The following RBFOX1 variants were observed in gnomAD, a reference collection of about 807,000 sequenced individuals.
RBFOX1 encodes the protein RNA binding fox-1 homolog 1, also known as RNA binding protein fox-1 homolog 1.
Under a neutral mutation model 57.7 loss-of-function variants are expected in RBFOX1, and 8 were observed. That is an observed-to-expected ratio of 0.14 (90% confidence interval 0.08 to 0.25). The LOEUF is 0.25. Among genes scored for constraint, RBFOX1 ranks in the 10% least tolerant of loss-of-function variants. The probability of loss-of-function intolerance (pLI) is 1.00; values close to 1 mark genes in which losing one functional copy is unlikely to be tolerated. For missense variants in RBFOX1, 611 were observed against 548.5 expected (o/e 1.11, Z -1.14); for synonymous variants, 326 against 222.4 (o/e 1.47, Z -4.15).
intron 4 of RBFOX1, among the ~76,000 whole-genome samples, chr16:7,391,917 C>G (rs1000415901): frequency 2.0e-5 from 3 of 152,190 alleles, no homozygotes; most frequent in African/African-American, 7.2e-5. Context: ...TATCAACTTG[C>G]GTTAGTTTAC....
At chr16:6,406,892 G>A (rs1487058079) in intron 2 of RBFOX1, among the ~76,000 whole-genome samples, 1 of 152,118 alleles carries the variant, frequency 6.6e-6, no homozygotes, top group African/African-American at 2.4e-5. Flanking sequence ...TATGCTGGCT[G>A]ACCCCCCTAC....
At chr16:6,122,999 T>A (rs921181797) in intron 1 of RBFOX1, among the ~76,000 whole-genome samples, 4 of 152,114 alleles carry the variant, frequency 2.6e-5, no homozygotes, top group Admixed American at 2.6e-4. Flanking sequence ...ACTGCTGTTC[T>A]CTGGAGAATA....
intron 3 of RBFOX1, among the ~76,000 whole-genome samples, chr16:6,675,479 C>T (rs1467305821): frequency 3.3e-5 from 5 of 152,114 alleles, no homozygotes; most frequent in African/African-American, 4.8e-5. Flanking sequence ...AGTGACAAAG[C>T]CCTGGGCTTG....
intron 1 of RBFOX1, among the ~76,000 whole-genome samples, chr16:6,033,613 C>T (rs948374307): frequency 1.3e-5 from 2 of 152,146 alleles, no homozygotes; most frequent in African/African-American, 2.4e-5. Flanking sequence ...TGCACACGCA[C>T]GTGTATTTTT....
intron 4 of RBFOX1, among the ~76,000 whole-genome samples, chr16:5,893,959 T>C (rs1332253932): frequency 6.6e-6 from 1 of 152,142 alleles, no homozygotes; most frequent in Non-Finnish European, 1.5e-5. Context: ...ATAATTTAGT[T>C]GCAAAATGTG....
chr16:7,501,058 C>A (rs1244887401), intron 4 of RBFOX1, among the ~76,000 whole-genome samples: 1 of 152,204 alleles, frequency 6.6e-6, no homozygotes, highest in African/African-American at 2.4e-5. Flanking sequence ...GCCTCTCCAG[C>A]CAGGCTGAAC....
chr16:5,742,807 A>G (rs1043896668), intron 3 of RBFOX1, among the ~76,000 whole-genome samples: 1 of 152,228 alleles, frequency 6.6e-6, no homozygotes, highest in Admixed American at 6.5e-5. Flanking sequence ...ATGGGACTAA[A>G]GGTAAGCTAG....
chr16:7,156,552 T>C (rs1010709327), intron 4 of RBFOX1, among the ~76,000 whole-genome samples: 5 of 152,038 alleles, frequency 3.3e-5, no homozygotes, highest in African/African-American at 7.3e-5. Context: ...CATGTAGATA[T>C]ACATATGTGT....
At chr16:6,881,880 T>C (rs921035299) in intron 3 of RBFOX1, among the ~76,000 whole-genome samples, 1 of 152,168 alleles carries the variant, frequency 6.6e-6, no homozygotes, top group Non-Finnish European at 1.5e-5. Context: ...GTAGTAAAAG[T>C]TTCACAGCTG....
At chr16:6,500,884 T>G (rs80034821) in intron 2 of RBFOX1, among the ~76,000 whole-genome samples, 1 of 22,880 alleles carries the variant, frequency 4.4e-5, no homozygotes, top group South Asian at 2.2e-3. Flanking sequence ...TAGTTTTTTT[T>G]TTTTTTTTTT....
In RBFOX1 at chr16:5,892,384, C is replaced by T. The variant is rs116098634; in HGVS notation, c.351+25049C>T. 4.6e-3 allele frequency among the ~76,000 whole-genome samples: 703 copies of T among 152,274 alleles called. 3 individuals carry two copies. Among genetic ancestry groups the T allele is most frequent in the African/African-American group, 0.016 (673 of 41,554 alleles). On this transcript the variant is annotated intron_variant, in intron 4 of 19. Transcript: ENST00000641259. ...TTTTCATTGCTTACTTCCTGGATGA[C>T]CTCTGTCCATGACTGTATCTCTTTA...
intron 3 of RBFOX1, among the ~76,000 whole-genome samples, chr16:6,690,155 G>C (rs1410970393): frequency 6.6e-6 from 1 of 152,084 alleles, no homozygotes; most frequent in African/African-American, 2.4e-5. Context: ...TAGCTTATAA[G>C]GATTGAATAA....
At chr16:6,739,766 C>A (rs964413449) in intron 3 of RBFOX1, among the ~76,000 whole-genome samples, 2 of 151,864 alleles carry the variant, frequency 1.3e-5, no homozygotes, top group Admixed American at 1.3e-4. Context: ...AGTCTCGGCT[C>A]CTCGGGAGGC....
intron 1 of RBFOX1, among the ~76,000 whole-genome samples, chr16:5,368,201 A>G (rs1443652394): frequency 6.6e-6 from 1 of 152,220 alleles, no homozygotes; most frequent in Non-Finnish European, 1.5e-5. Flanking sequence ...GAAGCTGCTC[A>G]TGTGGTTATC....
intron 1 of RBFOX1, among the ~76,000 whole-genome samples, chr16:6,102,774 G>A (rs61247666): frequency 0.048 from 7,259 of 152,140 alleles, 542 homozygotes; most frequent in African/African-American, 0.16. Context: ...ACTGTGTCTC[G>A]TGATTTTCAT....
At chr16:5,626,024 G>A (rs981709966) in intron 3 of RBFOX1, among the ~76,000 whole-genome samples, 1 of 152,156 alleles carries the variant, frequency 6.6e-6, no homozygotes, top group African/African-American at 2.4e-5. Flanking sequence ...TTACAGGCAT[G>A]TGCCACCACG....
chr16:5,923,827 C>T (rs1177529984), intron 4 of RBFOX1, among the ~76,000 whole-genome samples: 1 of 152,108 alleles, frequency 6.6e-6, no homozygotes, highest in Non-Finnish European at 1.5e-5. Flanking sequence ...AGGTGTGAGC[C>T]ACCGTACCTA....
chr16:7,151,726 C>G (rs116212345), intron 4 of RBFOX1, among the ~76,000 whole-genome samples: 1,593 of 152,050 alleles, frequency 0.01, 22 homozygotes, highest in African/African-American at 0.036. Flanking sequence ...CAGTGGGAAG[C>G]CTGACCTTGT....
At chr16:6,025,186 G>A (rs142393350) in intron 1 of RBFOX1, among the ~76,000 whole-genome samples, 3 of 152,280 alleles carry the variant, frequency 2.0e-5, no homozygotes, top group Non-Finnish European at 4.4e-5. Context: ...CTTCCTGGCC[G>A]GCCGGCTCTA....
Sources: gnomAD v4.1 joint callset for allele counts (sites outside exome capture counted in the v4.1 genomes callset) on GRCh38, gnomAD v4.1.1 for gene constraint, MANE v1.5 for transcripts, NCBI Gene and HGNC (gene_info 2026-07-23, HGNC 2026-07-21) for gene names.